FCHSD2: variants seen among roughly 807,000 people sequenced by gnomAD.
FCHSD2 encodes the protein F-BAR and double SH3 domains protein 2.
Under a neutral mutation model 108.1 loss-of-function variants are expected in FCHSD2, and 38 were observed. That is an observed-to-expected ratio of 0.35 (90% CI 0.27 to 0.46). The LOEUF is 0.46. FCHSD2 is among the 20% of genes least tolerant of loss of function. The pLI, the probability that FCHSD2 is intolerant of heterozygous loss-of-function variation, is 1.00. For synonymous variants in FCHSD2, 279 were observed against 314.7 expected (o/e 0.89, Z 1.20); for missense variants, 751 against 897.8 (o/e 0.84, Z 2.09).
intron 11 of FCHSD2, among the ~76,000 whole-genome samples, chr11:72,888,695 T>C (rs1400615182): frequency 6.6e-6 from 1 of 151,786 alleles, no homozygotes; most frequent in Non-Finnish European, 1.5e-5. Context: ...CTTACCTCAA[T>C]GTAACCTCCA....
chr11:73,065,220 T>C (rs773379033), intron 3 of FCHSD2, among the ~76,000 whole-genome samples: 4 of 152,146 alleles, frequency 2.6e-5, no homozygotes, highest in African/African-American at 4.8e-5. Flanking sequence ...AATCGATAAA[T>C]GTAATCTATC....
chr11:72,936,888 G>A (rs565175823), intron 8 of FCHSD2, among the ~76,000 whole-genome samples: 4 of 152,092 alleles, frequency 2.6e-5, no homozygotes, highest in African/African-American at 9.7e-5. Context: ...AAAAATAGGC[G>A]ATTTAAAATC....
chr11:72,940,170 C>T (rs1856386570), intron 8 of FCHSD2, among the ~76,000 whole-genome samples: 1 of 152,208 alleles, frequency 6.6e-6, no homozygotes, highest in Admixed American at 6.5e-5. Flanking sequence ...GCTTTGCCAT[C>T]ATCCTTAGCC....
At chr11:73,110,354 C>T (rs564510184) in intron 2 of FCHSD2, among the ~76,000 whole-genome samples, 52 of 152,182 alleles carry the variant, frequency 3.4e-4, no homozygotes, top group Non-Finnish European at 6.5e-4. Flanking sequence ...TTTATTACGG[C>T]TTCAATCCTG....
chr11:72,893,867 T>G (rs935538645), intron 10 of FCHSD2, among the ~76,000 whole-genome samples: 1 of 152,202 alleles, frequency 6.6e-6, no homozygotes, highest in African/African-American at 2.4e-5. Context: ...CATTCCAATA[T>G]TCTTGATATA....
intron 5 of FCHSD2, among the ~76,000 whole-genome samples, chr11:72,993,909 AAAAT>A (rs1018916892): frequency 1.3e-5 from 2 of 152,186 alleles, no homozygotes; most frequent in South Asian, 2.1e-4. Flanking sequence ...AAGTATAATA[AAAAT>A]AAATAAATAA....
chr11:73,033,043 C>A (rs1329823285), intron 3 of FCHSD2, among the ~76,000 whole-genome samples: 1 of 152,070 alleles, frequency 6.6e-6, no homozygotes, highest in Non-Finnish European at 1.5e-5. Flanking sequence ...AATCCCAGCA[C>A]TTTGGGGGGC....
intron 13 of FCHSD2, among the ~76,000 whole-genome samples, chr11:72,854,388 G>T (rs1861367961): frequency 1.3e-5 from 2 of 152,086 alleles, no homozygotes; most frequent in African/African-American, 4.8e-5. Context: ...ATAAAAATGT[G>T]GTATACATAC....
Position 72,878,222 on chromosome 11 carries a change from T to C in FCHSD2, c.1146+9248A>G, listed in dbSNP as rs527465850. 2.0e-5 allele frequency among the ~76,000 whole-genome samples: 3 copies of C among 152,266 alleles called. No homozygotes were observed. The South Asian group carries it at 6.2e-4, about 32-fold the overall frequency. ...TGAGTCCAGGAGTTCAAGGCTATAGTACACTATGATTGTGCCTGTGAATAG... is the reference window on the plus strand; with the variant it reads ...TGAGTCCAGGAGTTCAAGGCTATAGCACACTATGATTGTGCCTGTGAATAG... On this transcript the variant is annotated intron_variant, in intron 12 of 19. Coordinates refer to ENST00000409418, the MANE Select transcript of FCHSD2 (RefSeq NM_014824.3).
intron 3 of FCHSD2, among the ~76,000 whole-genome samples, chr11:73,069,630 A>C (rs1859385647): frequency 6.6e-6 from 1 of 152,176 alleles, no homozygotes; most frequent in Admixed American, 6.5e-5. Flanking sequence ...AGAATTAAAA[A>C]TATGTGAAAA....
At chr11:72,862,424 C>T (rs1854620086) in intron 13 of FCHSD2, among the ~76,000 whole-genome samples, 1 of 152,138 alleles carries the variant, frequency 6.6e-6, no homozygotes, top group East Asian at 1.9e-4. Flanking sequence ...ATACAACAAT[C>T]AACTGTATTT....
intron 4 of FCHSD2, among the ~76,000 whole-genome samples, chr11:73,007,335 T>A (rs1467720162): frequency 6.6e-6 from 1 of 152,066 alleles, no homozygotes; most frequent in African/African-American, 2.4e-5. Context: ...AAGAAATAAA[T>A]CAAGGCTGGG....
At chr11:72,956,310 C>G (rs1207152471) in intron 8 of FCHSD2, among the ~76,000 whole-genome samples, 7 of 152,094 alleles carry the variant, frequency 4.6e-5, no homozygotes, top group Non-Finnish European at 8.8e-5. Flanking sequence ...TAGAAAACCA[C>G]CATTTGGCAA....
At chr11:73,128,931 G>A (rs1860923517) in intron 2 of FCHSD2, among the ~76,000 whole-genome samples, 1 of 152,166 alleles carries the variant, frequency 6.6e-6, no homozygotes, top group Non-Finnish European at 1.5e-5. Context: ...GAGTGTAGTG[G>A]TGTGATCTCA....
intron 8 of FCHSD2, among the ~76,000 whole-genome samples, chr11:72,961,997 T>C (rs1383915951): frequency 1.3e-5 from 2 of 152,226 alleles, no homozygotes; most frequent in Non-Finnish European, 2.9e-5. Context: ...AGATAACCCT[T>C]AATAAGCATT....
intron 2 of FCHSD2, among the ~76,000 whole-genome samples, chr11:73,107,860 C>CA (rs539103385): frequency 2.8e-4 from 42 of 152,306 alleles, no homozygotes; most frequent in Non-Finnish European, 5.0e-4. Flanking sequence ...GATGGACACT[C>CA]AGGTTGCTTC....
At chr11:73,090,522 G>T (rs1158847503) in intron 2 of FCHSD2, among the ~76,000 whole-genome samples, 1 of 152,072 alleles carries the variant, frequency 6.6e-6, no homozygotes. Flanking sequence ...ACCGCGCGCG[G>T]CCTACAATAC....
intron 13 of FCHSD2, among the ~76,000 whole-genome samples, chr11:72,860,859 T>TA (rs1341186060): frequency 6.6e-6 from 1 of 151,012 alleles, no homozygotes; most frequent in Non-Finnish European, 1.5e-5. Flanking sequence ...TTGAACTGGA[T>TA]AAAAATGATG....
At chr11:73,035,388 G>A (rs534553396) in intron 3 of FCHSD2, among the ~76,000 whole-genome samples, 7 of 152,068 alleles carry the variant, frequency 4.6e-5, no homozygotes, top group Admixed American at 4.6e-4. Context: ...GGCTGTTCTC[G>A]AACTCCTAAG....
Sources: allele counts gnomAD v4.1 joint callset (sites outside exome capture counted in the v4.1 genomes callset), GRCh38; gene constraint gnomAD v4.1.1; transcripts MANE v1.5; gene names NCBI Gene and HGNC (gene_info 2026-07-23, HGNC 2026-07-21).